The following AOAH variants were observed in gnomAD, a reference collection of about 807,000 sequenced individuals.
The protein encoded by AOAH is acyloxyacyl hydrolase.
AOAH carries 64 observed loss-of-function variants against 92.2 expected under a neutral mutation model. The ratio of observed to expected loss-of-function variants is 0.69; its 90% CI spans 0.57 to 0.86. The LOEUF is 0.86. AOAH is among the 40% of genes least tolerant of loss of function. AOAH has a pLI of 0.00. For synonymous variants in AOAH, 263 were observed against 254.5 expected, an observed-to-expected ratio of 1.03 and a Z score of -0.32; for missense variants, 656 against 694.6, an observed-to-expected ratio of 0.94 and a Z score of 0.62.
intron 19 of AOAH, among the ~76,000 whole-genome samples, chr7:36,525,707 G>A (rs2115893412): frequency 6.6e-6 from 1 of 152,286 alleles, no homozygotes; most frequent in East Asian, 1.9e-4. Flanking sequence ...TTGTGTGTAG[G>A]ATGATCAACT....
chr7:36,524,553 G>A (rs1226876066), intron 19 of AOAH, among the ~76,000 whole-genome samples: 2 of 151,732 alleles, frequency 1.3e-5, no homozygotes, highest in Non-Finnish European at 2.9e-5. Context: ...GTGGGCACCT[G>A]TAATCCCAGC....
intron 20 of AOAH, among the ~76,000 whole-genome samples, chr7:36,517,944 C>CA (rs1491288033): frequency 1.6e-4 from 5 of 32,148 alleles, no homozygotes; most frequent in African/African-American, 1.5e-3. Flanking sequence ...CACACACACA[C>CA]CCACACACAC....
At chr7:36,638,232 A>G (rs1793656432) in intron 4 of AOAH, among the ~76,000 whole-genome samples, 3 of 152,200 alleles carry the variant, frequency 2.0e-5, no homozygotes, top group Non-Finnish European at 4.4e-5. Flanking sequence ...GGTCTGGCAG[A>G]GAGGCAATCT....
At chr7:36,580,755 A>G (rs1161802276) in intron 12 of AOAH, among the ~76,000 whole-genome samples, 1 of 152,144 alleles carries the variant, frequency 6.6e-6, no homozygotes, top group East Asian at 1.9e-4. Flanking sequence ...TACAGCCCTC[A>G]CTGCAAGATG....
At chr7:36,527,233 G>T (rs1233518968) in intron 19 of AOAH, among the ~76,000 whole-genome samples, 5 of 152,166 alleles carry the variant, frequency 3.3e-5, no homozygotes, top group African/African-American at 4.8e-5. Context: ...AATGGGTCTT[G>T]TGCCTACCCT....
chr7:36,539,321 G>A (rs1478291993), intron 16 of AOAH, among the ~76,000 whole-genome samples: 1 of 152,190 alleles, frequency 6.6e-6, no homozygotes, highest in African/African-American at 2.4e-5. Context: ...CCTTCTTCAT[G>A]ATAGATTGGT....
At chr7:36,543,947 C>CTTTTT (rs1219471100) in intron 15 of AOAH, among the ~76,000 whole-genome samples, 4 of 91,036 alleles carry the variant, frequency 4.4e-5, no homozygotes, top group African/African-American at 8.7e-5. Context: ...TTCTTTCTTT[C>CTTTTT]TTTTTTTTTT....
intron 5 of AOAH, 140 bp downstream of exon 5, chr7:36,637,711 C>T: frequency 1.3e-6 from 1 of 755,824 alleles, no homozygotes. Context: ...AGTTCACATT[C>T]CTACTTCCAT....
intron 4 of AOAH, among the ~76,000 whole-genome samples, chr7:36,642,750 G>A (rs1793993058): frequency 6.6e-6 from 1 of 152,234 alleles, no homozygotes; most frequent in Admixed American, 6.5e-5. Context: ...AGAAAGTACT[G>A]TGGTCAGATT....
chr7:36,720,139 G>GT (rs34907212), intron 1 of AOAH, among the ~76,000 whole-genome samples: 25,277 of 146,208 alleles, frequency 0.17, 2,482 homozygotes, highest in South Asian at 0.28. Context: ...GAATTCTAAA[G>GT]TTTTTTTTTT....
chr7:36,639,955 A>C (rs1022390095), intron 4 of AOAH, among the ~76,000 whole-genome samples: 1 of 152,170 alleles, frequency 6.6e-6, no homozygotes, highest in African/African-American at 2.4e-5. Flanking sequence ...CTGGGGCTCA[A>C]TGTTTGTTGG....
chr7:36,709,727 T>C (rs191170784), intron 1 of AOAH, among the ~76,000 whole-genome samples: 33 of 152,266 alleles, frequency 2.2e-4, no homozygotes, highest in Admixed American at 2.0e-3. Flanking sequence ...GCAAGGATTT[T>C]CCTAACATTG....
chr7:36,537,820 GC>G (rs1354098079), intron 16 of AOAH, among the ~76,000 whole-genome samples: 2 of 150,702 alleles, frequency 1.3e-5, no homozygotes, highest in African/African-American at 2.4e-5. Flanking sequence ...ACTGCACCCA[GC>G]CTAGTTGCAC....
At chr7:36,684,715 T>TA (rs1260969965) in intron 2 of AOAH, among the ~76,000 whole-genome samples, 1 of 151,586 alleles carries the variant, frequency 6.6e-6, no homozygotes, top group Non-Finnish European at 1.5e-5. Context: ...GGCTAGGAGT[T>TA]AGAGACCAGC....
chr7:36,608,108 G>A (rs1175618579), intron 11 of AOAH, among the ~76,000 whole-genome samples: 1 of 152,216 alleles, frequency 6.6e-6, no homozygotes, highest in Non-Finnish European at 1.5e-5. Flanking sequence ...CTTGTCCAGG[G>A]CCCACGCTCT....
Position 36,623,240 on chromosome 7 carries a change from G to C in AOAH, c.532C>G (p.Gln178Glu), listed in dbSNP as rs772428489. 1.9e-6 allele frequency: 3 copies of C among 1,613,792 alleles called. No individual in the cohort carries two copies. Among genetic ancestry groups the C allele is most frequent in the African/African-American group, 2.7e-5 (2 of 74,918 alleles). Reference protein sequence around the residue: ...ICQKIKLAMEQSVPFKDVDSD... With the variant: ...ICQKIKLAMEESVPFKDVDSD... ...TCCACATCTTTGAATGGCACAGACT[G>C]TTCCATAGCTCTAGGAAAAAGAAAA... is the stretch of plus-strand genomic sequence containing the variant. Residue 178 changes from glutamine to glutamate, a missense_variant, in exon 7 of 21, where the codon CAG (glutamine) becomes GAG (glutamate). Gln to Glu is a conservative substitution (Grantham distance 29). Transcript: ENST00000617537.
chr7:36,615,830 C>G (rs758197254), intron 11 of AOAH, among the ~76,000 whole-genome samples: 1 of 152,046 alleles, frequency 6.6e-6, no homozygotes, highest in Non-Finnish European at 1.5e-5. Flanking sequence ...TTTCCCTCCC[C>G]TTTCTTTGCC....
At chr7:36,664,146 T>C (rs1331133946) in intron 3 of AOAH, among the ~76,000 whole-genome samples, 2 of 152,154 alleles carry the variant, frequency 1.3e-5, no homozygotes, top group Non-Finnish European at 2.9e-5. Flanking sequence ...ACTTTGCAAA[T>C]AGTTTCTCTG....
chr7:36,519,161 C>G (rs1252400704), intron 20 of AOAH, among the ~76,000 whole-genome samples: 1 of 152,218 alleles, frequency 6.6e-6, no homozygotes, highest in African/African-American at 2.4e-5. Context: ...CAGTGGCTCC[C>G]CATGTCCCTC....
Sources: allele counts gnomAD v4.1 joint callset (sites outside exome capture counted in the v4.1 genomes callset), GRCh38; gene constraint gnomAD v4.1.1; transcripts MANE v1.5; gene names NCBI Gene and HGNC (gene_info 2026-07-23, HGNC 2026-07-21).